Variants in KALRN observed in about 807,000 individuals in gnomAD.
KALRN encodes kalirin.
Under a neutral mutation model 353.7 loss-of-function variants are expected in KALRN, and 70 were observed. The observed-to-expected ratio is 0.20, with a 90% confidence interval of 0.16 to 0.24. KALRN has a LOEUF of 0.24. KALRN is among the 10% of genes least tolerant of loss of function. The probability of loss-of-function intolerance (pLI) is 1.00; values close to 1 mark genes in which losing one functional copy is unlikely to be tolerated. For synonymous variants in KALRN, 1,391 were observed against 1,434.8 expected (o/e 0.97, Z 0.69); for missense variants, 2,791 against 3,756.7 (o/e 0.74, Z 6.72).
intron 10 of KALRN, among the ~76,000 whole-genome samples, chr3:124,351,935 T>G (rs576152115): frequency 6.6e-5 from 10 of 152,314 alleles, no homozygotes; most frequent in Admixed American, 3.9e-4. Context: ...GGCTTTGCAG[T>G]CATGACAGCC....
chr3:124,509,067 T>C (rs2065568157), intron 33 of KALRN, among the ~76,000 whole-genome samples: 2 of 152,214 alleles, frequency 1.3e-5, no homozygotes, highest in Non-Finnish European at 1.5e-5. Flanking sequence ...TTGTTGGTCA[T>C]GTATGTAATA....
At chr3:124,239,372 C>G (rs567227779) in intron 3 of KALRN, among the ~76,000 whole-genome samples, 1 of 152,298 alleles carries the variant, frequency 6.6e-6, no homozygotes, top group South Asian at 2.1e-4. Flanking sequence ...TTGAATTCCT[C>G]TTCATCATCA....
intron 3 of KALRN, among the ~76,000 whole-genome samples, chr3:124,257,110 G>A (rs1204259665): frequency 6.6e-6 from 1 of 152,220 alleles, no homozygotes; most frequent in Non-Finnish European, 1.5e-5. Context: ...ACAGGCTTCT[G>A]TATGGTGTAG....
chr3:124,228,117 T>G (rs1050428584), intron 2 of KALRN, 53 bp downstream of exon 2: 4 of 1,376,000 alleles, frequency 2.9e-6, no homozygotes, highest in Non-Finnish European at 4.1e-6. Context: ...GTTGTGTGTG[T>G]GCACATGTGT....
intron 5 of KALRN, among the ~76,000 whole-genome samples, chr3:124,282,379 C>CT (rs34148546): frequency 0.063 from 8,517 of 134,702 alleles, 921 homozygotes; most frequent in East Asian, 0.48. Flanking sequence ...CTACATTTTT[C>CT]TTTTTTTTTT....
intron 1 of KALRN, among the ~76,000 whole-genome samples, chr3:124,151,762 A>G (rs531373990): frequency 4.6e-5 from 7 of 152,136 alleles, no homozygotes; most frequent in Admixed American, 6.6e-5. Flanking sequence ...GTCCTGTTTA[A>G]GAAATTTTTG....
intron 34 of KALRN, among the ~76,000 whole-genome samples, chr3:124,577,942 C>A (rs776906435): frequency 5.3e-5 from 8 of 152,204 alleles, no homozygotes; most frequent in South Asian, 2.1e-4. Flanking sequence ...GCAATGTACA[C>A]ATTGTACCTC....
intron 36 of KALRN, among the ~76,000 whole-genome samples, chr3:124,635,934 C>T (rs1339159077): frequency 6.6e-6 from 1 of 152,108 alleles, no homozygotes; most frequent in African/African-American, 2.4e-5. Context: ...AATACTACTA[C>T]ATACAGATCA....
intron 2 of KALRN, among the ~76,000 whole-genome samples, chr3:124,233,485 G>A (rs2079409210): frequency 1.3e-5 from 2 of 152,152 alleles, no homozygotes; most frequent in South Asian, 4.1e-4. Context: ...GGGGGCGCTG[G>A]GCAGTGGTGG....
rs1264864115 is a variant in KALRN at position 124,671,715 on chromosome 3, G to A, written c.6759G>A (p.Arg2253=). Residue 2253 remains arginine (R), a synonymous_variant, in exon 48 of 60, where the codon AGG becomes AGA. Transcript: ENST00000682506. ...QRKERSTAVM[R]SQPARLPQAS... is the part of the protein sequence containing the mutation. The stretch of plus-strand genomic sequence containing the variant: ...AAGAAAGGAGCACAGCTGTGATGAG[G>A]TCTCAACCTGCCAGGCTTCCCCAAG... 3 of 1,614,088 alleles carry A rather than the reference G, an allele frequency of 1.9e-6. No homozygotes were observed. The highest frequency in any genetic ancestry group is 2.5e-6 in the Non-Finnish European group (3 of 1,180,014).
At position 124,722,899 on chromosome 3, in the gene KALRN, G is replaced by A. The variant is rs1379389700; in HGVS notation, c.*3429G>A. 1 of 152,104 alleles carries A rather than the reference G, an allele frequency of 6.6e-6. No individual in the cohort carries two copies. Among genetic ancestry groups the A allele is most frequent in the Non-Finnish European group, 1.5e-5 (1 of 68,026 alleles). 9.4% of individuals were successfully genotyped at this position (152,104 alleles called of 1,614,324 possible). The stretch of plus-strand genomic sequence containing the variant: ...TTTTGTTTTGTTTTGTTTTGTAAGG[G>A]TGGGATACAGAAAGAATGAAAAGAT... On this transcript the variant is annotated 3_prime_UTR_variant, in exon 60 of 60. Coordinates refer to ENST00000682506, the MANE Select transcript of KALRN (RefSeq NM_001388419.1).
At chr3:124,649,415 T>G (rs1578650602) in intron 37 of KALRN, among the ~76,000 whole-genome samples, 1 of 152,166 alleles carries the variant, frequency 6.6e-6, no homozygotes, top group Non-Finnish European at 1.5e-5. Flanking sequence ...GCTAATGTTT[T>G]CAAAAACTAC....
At chr3:124,451,018 T>C (rs2058722572) in intron 21 of KALRN, among the ~76,000 whole-genome samples, 2 of 152,112 alleles carry the variant, frequency 1.3e-5, no homozygotes, top group Non-Finnish European at 1.5e-5. Context: ...TCAGTAAATT[T>C]GTGTCTACAA....
chr3:124,650,746 A>C, intron 37 of KALRN, 62 bp from the exon 38 acceptor site: 1 of 1,532,248 alleles, frequency 6.5e-7, no homozygotes, highest in East Asian at 2.3e-5. Flanking sequence ...CTGGGAGGAC[A>C]CAGGGATTCC....
At chr3:124,050,932 T>C (rs1481136916) in intron 1 of KALRN, among the ~76,000 whole-genome samples, 1 of 152,222 alleles carries the variant, frequency 6.6e-6, no homozygotes, top group Admixed American at 6.5e-5. Context: ...TAGATGCTTC[T>C]GGCAGAGTAA....
At chr3:124,512,683 T>TA (rs1051376726) in intron 33 of KALRN, among the ~76,000 whole-genome samples, 3 of 151,192 alleles carry the variant, frequency 2.0e-5, no homozygotes, top group East Asian at 1.9e-4. Flanking sequence ...ATTAAAAATT[T>TA]AAAAAAAAAC....
chr3:124,606,656 A>T (rs2077378639), intron 34 of KALRN, among the ~76,000 whole-genome samples: 1 of 152,244 alleles, frequency 6.6e-6, no homozygotes, highest in African/African-American at 2.4e-5. Context: ...GAAGGATTTC[A>T]GGCAAATGTA....
intron 21 of KALRN, among the ~76,000 whole-genome samples, chr3:124,454,067 C>A (rs1489557533): frequency 6.6e-6 from 1 of 152,184 alleles, no homozygotes; most frequent in Non-Finnish European, 1.5e-5. Context: ...ATCCAGTAAA[C>A]ATCAGAGTTC....
intron 34 of KALRN, among the ~76,000 whole-genome samples, chr3:124,617,729 A>G (rs2078778367): frequency 1.3e-5 from 2 of 152,178 alleles, no homozygotes; most frequent in Non-Finnish European, 2.9e-5. Flanking sequence ...AGTAGGGCCC[A>G]AGAATTTTTA....
Sources: allele counts gnomAD v4.1 joint callset (sites outside exome capture counted in the v4.1 genomes callset), GRCh38; gene constraint gnomAD v4.1.1; transcripts MANE v1.5; gene names NCBI Gene and HGNC (gene_info 2026-07-23, HGNC 2026-07-21).